CACNA1A: variants seen among roughly 807,000 people sequenced by gnomAD.
CACNA1A encodes voltage-dependent P/Q-type calcium channel subunit alpha-1A.
A neutral mutation model predicts 262.4 loss-of-function variants in CACNA1A; 57 were observed. That is an observed-to-expected ratio of 0.22 (90% CI 0.18 to 0.27). The LOEUF is 0.27. Ranked by LOEUF, CACNA1A falls within the 10% of genes least tolerant of loss-of-function variation. CACNA1A has a pLI of 1.00. For synonymous variants in CACNA1A, 1,431 were observed against 1,419.3 expected (o/e 1.01, Z -0.18); for missense variants, 2,526 against 3,562.8 (o/e 0.71, Z 7.41).
At position 13,495,307 on chromosome 19, in the gene CACNA1A, TTTA is replaced by T. The variant is rs1178473611; in HGVS notation, c.293+10622_293+10624del. Among the ~76,000 whole-genome samples, 12 of 152,146 alleles carry T rather than the reference TTTA, an allele frequency of 7.9e-5. No homozygotes were observed. The South Asian group carries it at 1.9e-3, about 24-fold the overall frequency. On this transcript the variant is annotated intron_variant, in intron 1 of 46. Transcript: ENST00000360228. ...TAAGCATATAATATTTATTTATTTA[TTTA>T]TTTTGAGATGGAGTCTCGTTCTGTC... is the stretch of plus-strand genomic sequence containing the variant.
chr19:13,259,820 G>A (rs923992661), intron 26 of CACNA1A, 119 bp from the exon 27 acceptor site: 4 of 1,038,016 alleles, frequency 3.9e-6, no homozygotes, highest in Non-Finnish European at 5.7e-6. Context: ...TAGACTGCTT[G>A]GGAAGCAGTG....
intron 3 of CACNA1A, chr19:13,451,797 G>A (rs2060920881): frequency 6.6e-6 from 1 of 152,200 alleles, no homozygotes; most frequent in South Asian, 2.1e-4. Flanking sequence ...ATATGGCAAG[G>A]GTCAGGGTCC....
chr19:13,351,437 G>T (rs2058905795), intron 6 of CACNA1A, among the ~76,000 whole-genome samples: 1 of 152,120 alleles, frequency 6.6e-6, no homozygotes, highest in South Asian at 2.1e-4. Flanking sequence ...GAACTGCTGG[G>T]CTCAAGCAAT....
At position 13,286,952 on chromosome 19, in the gene CACNA1A, G is replaced by A. The variant is rs1299558300; in HGVS notation, c.3104C>T (p.Ser1035Phe). ...GTTGGGGCCCGACACAGGGACCCCG[G>A]AGCCCTGGTTCTCTCTGAGGAAGGC... ...RHRRRKENQG[S>F]GVPVSGPNLS... The change falls in exon 20 of 47, where the codon TCC (serine) becomes TTC (phenylalanine). Residue 1035 changes from serine to phenylalanine, a missense_variant. Coordinates refer to ENST00000360228, the MANE Select transcript of CACNA1A (RefSeq NM_001127222.2). The A allele has an allele frequency of 6.2e-7, 1 of 1,602,192 alleles. No homozygotes were observed. The highest frequency in any genetic ancestry group is 1.7e-4 in the Middle Eastern group (1 of 5,990).
intron 10 of CACNA1A, among the ~76,000 whole-genome samples, chr19:13,324,093 G>C (rs564625881): frequency 7.2e-5 from 11 of 152,274 alleles, no homozygotes; most frequent in Admixed American, 4.6e-4. Context: ...TGACAACAGG[G>C]ACAGAACTGG....
rs139225895 is a variant in CACNA1A at position 13,353,525 on chromosome 19, C to T, written c.978+6081G>A. Among the ~76,000 whole-genome samples the T allele has an allele frequency of 9.0e-4, 137 of 152,214 alleles. 1 individual carries two copies. In the East Asian group the frequency reaches 0.022, roughly 25 times the overall value. On this transcript the variant is annotated intron_variant, in intron 6 of 46. Transcript: ENST00000360228. The stretch of plus-strand genomic sequence containing the variant: ...AATGATGACATAATATGCCATCATA[C>T]GGAAGGACCATACGGTATTTAACTG...
At chr19:13,375,558 T>G (rs2144576950) in intron 3 of CACNA1A, among the ~76,000 whole-genome samples, 1 of 151,684 alleles carries the variant, frequency 6.6e-6, no homozygotes, top group East Asian at 1.9e-4. Flanking sequence ...GAGGCTGAGG[T>G]GAGAGGATGG....
intron 3 of CACNA1A, among the ~76,000 whole-genome samples, chr19:13,420,989 A>G (rs190345092): frequency 1.3e-5 from 2 of 152,348 alleles, no homozygotes; most frequent in African/African-American, 4.8e-5. Flanking sequence ...GCAGTTTGGT[A>G]TGATCACATG....
At chr19:13,456,904 G>T (rs938097802) in intron 1 of CACNA1A, among the ~76,000 whole-genome samples, 1 of 152,076 alleles carries the variant, frequency 6.6e-6, no homozygotes, top group Non-Finnish European at 1.5e-5. Context: ...CAGAAAACAA[G>T]TGTTGGTGAA....
At chr19:13,471,683 C>T (rs1276854522) in intron 1 of CACNA1A, among the ~76,000 whole-genome samples, 8 of 152,100 alleles carry the variant, frequency 5.3e-5, no homozygotes, top group African/African-American at 2.4e-5. Flanking sequence ...AAAGGTCACA[C>T]AGTGCCTGAA....
chr19:13,492,166 G>A (rs886268117), intron 1 of CACNA1A, among the ~76,000 whole-genome samples: 2 of 152,108 alleles, frequency 1.3e-5, no homozygotes, highest in African/African-American at 2.4e-5. Flanking sequence ...CCACTACACT[G>A]GACTGCCTCA....
chr19:13,472,119 C>T (rs967350074), intron 1 of CACNA1A, among the ~76,000 whole-genome samples: 2 of 151,832 alleles, frequency 1.3e-5, no homozygotes, highest in Non-Finnish European at 2.9e-5. Flanking sequence ...CACACTATCA[C>T]ACCCAGCTAA....
chr19:13,286,937 G>A lies in CACNA1A; in HGVS notation c.3119C>T (p.Ser1040Leu), dbSNP rs776628272. The A allele has an allele frequency of 1.7e-5, 28 of 1,607,644 alleles. No individual in the cohort carries two copies. The East Asian group carries it at 3.6e-4, about 21-fold the overall frequency. ...CCGGGTGGTTGACAGGTTGGGGCCC[G>A]ACACAGGGACCCCGGAGCCCTGGTT... Reference protein sequence around the residue: ...KENQGSGVPVSGPNLSTTRPI... With the variant: ...KENQGSGVPVLGPNLSTTRPI... Residue 1040 changes from serine to leucine, a missense_variant, in exon 20 of 47, where the codon TCG (serine) becomes TTG (leucine). Transcript: ENST00000360228.
intron 38 of CACNA1A, among the ~76,000 whole-genome samples, chr19:13,215,685 C>T (rs1419994246): frequency 1.3e-5 from 2 of 149,936 alleles, no homozygotes; most frequent in East Asian, 3.9e-4. Flanking sequence ...CATGTGATCT[C>T]GACTCACTGT....
intron 3 of CACNA1A, among the ~76,000 whole-genome samples, chr19:13,410,697 C>T (rs2060095355): frequency 6.6e-6 from 1 of 152,092 alleles, no homozygotes; most frequent in African/African-American, 2.4e-5. Context: ...ACCTCTTCAC[C>T]TAAGCAGCTC....
chr19:13,373,291 G>A (rs2059354777), intron 3 of CACNA1A, among the ~76,000 whole-genome samples: 2 of 152,220 alleles, frequency 1.3e-5, no homozygotes, highest in Non-Finnish European at 2.9e-5. Flanking sequence ...CTGAGTAGCT[G>A]GGATTACAGG....
chr19:13,285,488 G>A (rs1393104984), intron 20 of CACNA1A, among the ~76,000 whole-genome samples: 2 of 151,952 alleles, frequency 1.3e-5, no homozygotes, highest in Admixed American at 6.6e-5. Context: ...GAACCCAGGC[G>A]GCCTGGCCCC....
chr19:13,207,094 T>G lies in CACNA1A; in HGVS notation c.*219A>C, dbSNP rs116023034. On this transcript the variant is annotated 3_prime_UTR_variant, in exon 47 of 47. Coordinates refer to ENST00000360228, the MANE Select transcript of CACNA1A (RefSeq NM_001127222.2). The surrounding 1 kb of genome is among the most constrained non-coding windows in gnomAD (Gnocchi z 5.7). Reference sequence around the variant, plus strand: ...TCGTGGGTGGGGGGATCGGGGCTGGTTGGGGGGCGCCGTGGCTGCCCAGGA... The same window carrying G: ...TCGTGGGTGGGGGGATCGGGGCTGGGTGGGGGGCGCCGTGGCTGCCCAGGA... The G allele has an allele frequency of 0.013, 5,385 of 405,924 alleles. 135 individuals are homozygous for G. Among genetic ancestry groups the G allele is most frequent in the East Asian group, 0.061 (1,305 of 21,336 alleles). The allele number at this position is 405,924 out of a possible 1,614,324, so 25.1% of individuals were successfully genotyped here. A position where few individuals can be genotyped will look rare whatever the true frequency, so the allele number is the denominator to read the frequency against.
chr19:13,232,507 G>A (rs755255390), intron 34 of CACNA1A, among the ~76,000 whole-genome samples: 16 of 151,918 alleles, frequency 1.1e-4, no homozygotes, highest in Non-Finnish European at 2.1e-4. Context: ...TGAGGTGGGT[G>A]GATCACGAGG....
Sources: gnomAD v4.1 joint callset for allele counts (sites outside exome capture counted in the v4.1 genomes callset) on GRCh38, gnomAD v4.1.1 for gene constraint, Gnocchi (gnomAD v3.1) non-coding constraint, MANE v1.5 for transcripts, NCBI Gene and HGNC (gene_info 2026-07-23, HGNC 2026-07-21) for gene names.